The following KAZN variants were observed in gnomAD, a reference collection of about 807,000 sequenced individuals.
KAZN encodes the protein kazrin, periplakin interacting protein, also known as kazrin.
In KAZN, 40 loss-of-function variants were observed where a neutral mutation model predicts 87.4. The ratio of observed to expected loss-of-function variants is 0.46; its 90% confidence interval spans 0.36 to 0.60. KAZN has a LOEUF of 0.60. KAZN is among the 20% of genes least tolerant of loss of function. KAZN has a pLI of 0.00. For missense variants in KAZN, 898 were observed against 1,073.9 expected, an observed-to-expected ratio of 0.84 and a Z score of 2.29; for synonymous variants, 466 against 458.3, an observed-to-expected ratio of 1.02 and a Z score of -0.22.
chr1:14,914,570 G>A (rs759085905), intron 1 of KAZN, among the ~76,000 whole-genome samples: 12 of 152,214 alleles, frequency 7.9e-5, no homozygotes, highest in African/African-American at 1.9e-4. Context: ...AGGCCTGGCC[G>A]GCATCCTTGG....
intron 2 of KAZN, among the ~76,000 whole-genome samples, chr1:14,439,115 C>A (rs932737540): frequency 6.6e-6 from 1 of 152,198 alleles, no homozygotes; most frequent in Non-Finnish European, 1.5e-5. Flanking sequence ...CACAAAATAT[C>A]CAAAACTGAA....
intron 1 of KAZN, among the ~76,000 whole-genome samples, chr1:14,106,229 C>T (rs977058309): frequency 6.6e-6 from 1 of 152,150 alleles, no homozygotes; most frequent in African/African-American, 2.4e-5. Context: ...CCAACAGAAC[C>T]CAACACAGCT....
chr1:14,833,890 G>T (rs1647128633), intron 1 of KAZN, among the ~76,000 whole-genome samples: 1 of 141,090 alleles, frequency 7.1e-6, no homozygotes, highest in Non-Finnish European at 1.5e-5. Context: ...CAGAATGTTG[G>T]TGTCTAAGAG....
At chr1:15,029,684 T>C (rs913116932) in intron 2 of KAZN, among the ~76,000 whole-genome samples, 8 of 152,188 alleles carry the variant, frequency 5.3e-5, no homozygotes, top group African/African-American at 1.9e-4. Flanking sequence ...GGTCTCCAAC[T>C]GCCAAGAGCA....
intron 2 of KAZN, among the ~76,000 whole-genome samples, chr1:14,214,211 C>T (rs1409138431): frequency 2.2e-5 from 3 of 137,452 alleles, no homozygotes; most frequent in Admixed American, 1.5e-4. Flanking sequence ...GATCCAAGGA[C>T]CCGGTCTTAC....
chr1:14,700,362 C>G (rs1641853515), intron 1 of KAZN, among the ~76,000 whole-genome samples: 1 of 151,980 alleles, frequency 6.6e-6, no homozygotes, highest in Non-Finnish European at 1.5e-5. Context: ...ATCCCAGCTA[C>G]TCAGGAGACT....
At chr1:14,400,646 C>A (rs1288485298) in intron 2 of KAZN, among the ~76,000 whole-genome samples, 1 of 152,150 alleles carries the variant, frequency 6.6e-6, no homozygotes, top group Non-Finnish European at 1.5e-5. Flanking sequence ...AGTAATAAGC[C>A]TCTGTAATAA....
chr1:14,703,598 A>C (rs1448961959), intron 1 of KAZN, among the ~76,000 whole-genome samples: 1 of 152,220 alleles, frequency 6.6e-6, no homozygotes, highest in Non-Finnish European at 1.5e-5. Flanking sequence ...GTATGTCTTT[A>C]TTAGCAGCAT....
At chr1:14,780,922 G>A (rs1006454218) in intron 1 of KAZN, among the ~76,000 whole-genome samples, 8 of 152,162 alleles carry the variant, frequency 5.3e-5, no homozygotes, top group African/African-American at 9.7e-5. Flanking sequence ...TTCGGTGTTC[G>A]GAAACAGCAA....
intron 2 of KAZN, among the ~76,000 whole-genome samples, chr1:14,546,250 T>C (rs1209631148): frequency 6.6e-6 from 1 of 152,200 alleles, no homozygotes; most frequent in Non-Finnish European, 1.5e-5. Flanking sequence ...TAGCCAATCA[T>C]TTCTGAGCAA....
Position 15,066,332 on chromosome 1 carries a change from C to T in KAZN, c.1222+579C>T. 4.7e-6 allele frequency: 2 copies of T among 423,676 alleles called. No individual in the cohort carries two copies. Among genetic ancestry groups the T allele is most frequent in the Non-Finnish European group, 6.3e-6 (2 of 315,216 alleles). 26.2% of individuals were successfully genotyped at this position (423,676 alleles called of 1,614,324 possible). On this transcript the variant is annotated intron_variant, in intron 8 of 14. Transcript: ENST00000376030. The surrounding 1 kb of genome is among the most constrained non-coding windows in gnomAD (Gnocchi z 4.3). The stretch of plus-strand genomic sequence containing the variant: ...AGGATGTGGTCTGTTTTTGATGTCC[C>T]CCCTCCCGCCCCCCTGGTGTGAACG...
chr1:14,196,289 A>G (rs1209868609), intron 2 of KAZN, among the ~76,000 whole-genome samples: 1 of 152,226 alleles, frequency 6.6e-6, no homozygotes, highest in Non-Finnish European at 1.5e-5. Flanking sequence ...GATTTCAAAC[A>G]AAGGAATGAT....
At chr1:14,172,420 G>C (rs72643184) in intron 1 of KAZN, among the ~76,000 whole-genome samples, 2 of 151,896 alleles carry the variant, frequency 1.3e-5, no homozygotes. Flanking sequence ...GCAAATATTT[G>C]TTTGTTCGAG....
chr1:14,014,996 T>G (rs1278254975), intron 1 of KAZN, among the ~76,000 whole-genome samples: 1 of 152,228 alleles, frequency 6.6e-6, no homozygotes, highest in African/African-American at 2.4e-5. Flanking sequence ...TTTCTTGGCT[T>G]GGGAAAGGTT....
In KAZN at chr1:14,909,104, C is replaced by T. The variant is rs940622618; in HGVS notation, c.227-51580C>T. ...AAAAGGGATTTTCCTACCCATATCC[C>T]GAAGTTTCCTCTTCCATAAAAAGGA... On this transcript the variant is annotated intron_variant, in intron 1 of 14. Transcript: ENST00000376030. Among the ~76,000 whole-genome samples, 14 of 152,280 alleles carry T rather than the reference C, an allele frequency of 9.2e-5. No individual in the cohort carries two copies. In the East Asian group the frequency reaches 1.9e-3, roughly 21 times the overall value.
At chr1:13,898,163 G>A (rs1639114162) in intron 1 of KAZN, among the ~76,000 whole-genome samples, 1 of 152,228 alleles carries the variant, frequency 6.6e-6, no homozygotes, top group African/African-American at 2.4e-5. Flanking sequence ...GGGGACCTCC[G>A]AGGGGATAGG....
chr1:14,035,917 G>A (rs1641535058), intron 1 of KAZN, among the ~76,000 whole-genome samples: 1 of 152,200 alleles, frequency 6.6e-6, no homozygotes, highest in African/African-American at 2.4e-5. Flanking sequence ...TTATTGTGAG[G>A]TGGAGAAAAT....
chr1:14,032,056 C>T (rs1024379100), intron 1 of KAZN, among the ~76,000 whole-genome samples: 1 of 152,136 alleles, frequency 6.6e-6, no homozygotes, highest in Non-Finnish European at 1.5e-5. Flanking sequence ...CTCTTCTCTT[C>T]CTTCCCCAAA....
intron 2 of KAZN, among the ~76,000 whole-genome samples, chr1:14,460,121 C>T (rs756547553): frequency 6.6e-5 from 10 of 152,196 alleles, no homozygotes; most frequent in East Asian, 1.9e-4. Context: ...TGGGCCTGGT[C>T]GACTGGCACT....
Sources: allele counts gnomAD v4.1 joint callset (sites outside exome capture counted in the v4.1 genomes callset), GRCh38; gene constraint gnomAD v4.1.1; non-coding constraint Gnocchi (gnomAD v3.1); transcripts MANE v1.5; gene names NCBI Gene and HGNC (gene_info 2026-07-23, HGNC 2026-07-21).